IFNGR1: variants seen among roughly 807,000 people sequenced by gnomAD.
The protein encoded by IFNGR1 is interferon gamma receptor 1.
In IFNGR1, 23 loss-of-function variants were observed where a neutral mutation model predicts 35.4. The ratio of observed to expected loss-of-function variants is 0.65; its 90% confidence interval spans 0.47 to 0.92. The LOEUF (loss-of-function observed/expected upper bound fraction) is 0.92, where lower values mean the gene tolerates loss of function less well. IFNGR1 is among the 40% of genes least tolerant of loss of function. The pLI is 0.00. For synonymous variants in IFNGR1, 199 were observed against 209.5 expected, an observed-to-expected ratio of 0.95 and a Z score of 0.43; for missense variants, 533 against 583.4, an observed-to-expected ratio of 0.91 and a Z score of 0.89.
intron 1 of IFNGR1, among the ~76,000 whole-genome samples, chr6:137,216,877 C>T (rs1243258540): frequency 2.0e-5 from 3 of 152,232 alleles, no homozygotes; most frequent in Admixed American, 6.5e-5. Context: ...AGTTTTAGAA[C>T]GAGAGGTACA....
intron 6 of IFNGR1, among the ~76,000 whole-genome samples, chr6:137,198,980 G>A (rs1216209525): frequency 6.6e-6 from 1 of 152,154 alleles, no homozygotes; most frequent in Non-Finnish European, 1.5e-5. Flanking sequence ...TAACATTTGA[G>A]TCAGTGGGCT....
At chr6:137,204,578 G>C (rs1779385061) in intron 3 of IFNGR1, 74 bp from the exon 4 acceptor site, 14 of 1,209,838 alleles carry the variant, frequency 1.2e-5, no homozygotes, top group Non-Finnish European at 1.1e-5. Flanking sequence ...AAAATTACCA[G>C]AATCTATCAA....
chr6:137,215,664 T>C (rs1186861541), intron 1 of IFNGR1, among the ~76,000 whole-genome samples: 3 of 152,172 alleles, frequency 2.0e-5, no homozygotes, highest in Non-Finnish European at 4.4e-5. Flanking sequence ...GATAGCTGTT[T>C]ATTACTTTTC....
intron 1 of IFNGR1, among the ~76,000 whole-genome samples, chr6:137,212,408 C>T (rs532139294): frequency 5.9e-5 from 9 of 152,172 alleles, no homozygotes; most frequent in Non-Finnish European, 1.0e-4. Flanking sequence ...CAGGTTTGCA[C>T]CACCAGACAT....
chr6:137,199,557 A>ATTTATTATATATTATATAT (rs1582630035), intron 6 of IFNGR1, among the ~76,000 whole-genome samples: 4 of 29,152 alleles, frequency 1.4e-4, no homozygotes, highest in African/African-American at 4.5e-4. Context: ...ATAACATATA[A>ATTTATTATATATTATATAT]AATATATATA....
At chr6:137,206,569 G>T in intron 2 of IFNGR1, 1 of 413,956 alleles carries the variant, frequency 2.4e-6, no homozygotes, top group Non-Finnish European at 4.3e-6. Flanking sequence ...TTAAAAATCT[G>T]TTTTTTTAAA....
chr6:137,212,786 C>T (rs1162972140), intron 1 of IFNGR1, among the ~76,000 whole-genome samples: 2 of 152,110 alleles, frequency 1.3e-5, no homozygotes, highest in Non-Finnish European at 2.9e-5. Flanking sequence ...AAGTATGTTT[C>T]CTATAATTTA....
intron 6 of IFNGR1, 150 bp downstream of exon 6, chr6:137,200,731 T>C (rs1024212174): frequency 6.0e-6 from 4 of 670,122 alleles, no homozygotes; most frequent in East Asian, 5.8e-5. Context: ...AAAGACACAG[T>C]ATGTGATTTT....
Position 137,198,622 on chromosome 6 carries a change from A to G in IFNGR1, c.879T>C (p.Ser293=). 2 of 1,611,928 alleles carry G rather than the reference A, an allele frequency of 1.2e-6. No homozygotes were observed. Among genetic ancestry groups the G allele is most frequent in the Non-Finnish European group, 1.7e-6 (2 of 1,179,652 alleles). The part of the protein sequence containing the change: ...LPKSLISVVR[S]ATLETKPESK... ...ATTCAGGTTTTGTCTCTAAAGTAGC[A>G]CTTCTTACCACAGAGATCTATGGGG... Residue 293 remains serine, a synonymous_variant, in exon 7 of 7, where the codon AGT becomes AGC. Coordinates refer to ENST00000367739, the MANE Select transcript of IFNGR1 (RefSeq NM_000416.3).
intron 1 of IFNGR1, chr6:137,210,119 G>T: frequency 2.8e-6 from 1 of 353,880 alleles, no homozygotes; most frequent in Admixed American, 4.7e-5. Flanking sequence ...GGGAGGCTGA[G>T]GTGGGAGGAT....
In IFNGR1 at chr6:137,197,889, T is replaced by C. The variant is rs1779125537; in HGVS notation, c.*142A>G. On this transcript the variant is annotated 3_prime_UTR_variant, in exon 7 of 7. Coordinates refer to ENST00000367739, the MANE Select transcript of IFNGR1 (RefSeq NM_000416.3). ...AAGTGAAAATGCCACACATCCTCTTTACGCTTTCATGTACACTAAGTCACT... is the reference window on the plus strand; with the variant it reads ...AAGTGAAAATGCCACACATCCTCTTCACGCTTTCATGTACACTAAGTCACT... The C allele has an allele frequency of 9.0e-6, 10 of 1,109,902 alleles. No individual in the cohort carries two copies. In the Admixed American group the frequency reaches 1.9e-4, roughly 21 times the overall value. 68.8% of individuals were successfully genotyped at this position (1,109,902 alleles called of 1,614,324 possible). A position where few individuals can be genotyped will look rare whatever the true frequency, so the allele number is the denominator to read the frequency against.
intron 6 of IFNGR1, among the ~76,000 whole-genome samples, chr6:137,200,022 T>C (rs1413623193): frequency 2.0e-5 from 3 of 152,198 alleles, no homozygotes; most frequent in Admixed American, 2.0e-4. Context: ...TCACCAGCAT[T>C]TACCCGTTAT....
At chr6:137,213,239 A>G (rs1401544179) in intron 1 of IFNGR1, among the ~76,000 whole-genome samples, 1 of 152,228 alleles carries the variant, frequency 6.6e-6, no homozygotes, top group African/African-American at 2.4e-5. Flanking sequence ...GGGGCTTAAG[A>G]AAAGATCTTA....
chr6:137,212,986 A>G lies in IFNGR1; in HGVS notation c.86-5909T>C, dbSNP rs1000788286. On this transcript the variant is annotated intron_variant, in intron 1 of 6. Transcript: ENST00000367739. ...GTGGTTTTTAATGCTACCAGAGGAG[A>G]AACTGTGTGGTTATTAGACATCTGC... is the stretch of plus-strand genomic sequence containing the variant. Among the ~76,000 whole-genome samples, 5 of 152,226 alleles carry G rather than the reference A, an allele frequency of 3.3e-5. No individual in the cohort carries two copies. The South Asian group carries it at 6.2e-4, about 19-fold the overall frequency.
At chr6:137,218,975 G>T in intron 1 of IFNGR1, 1 of 560,712 alleles carries the variant, frequency 1.8e-6, no homozygotes, top group Non-Finnish European at 3.2e-6. Context: ...GTATTTAAAA[G>T]TGGATTACAA....
chr6:137,204,150 G>A (rs1397237025), intron 4 of IFNGR1, among the ~76,000 whole-genome samples, 182 bp downstream of exon 4: 1 of 152,162 alleles, frequency 6.6e-6, no homozygotes, highest in African/African-American at 2.4e-5. Context: ...CATGGTCAGT[G>A]TTAGTGACTA....
At chr6:137,205,864 T>C (rs1334947194) in intron 3 of IFNGR1, among the ~76,000 whole-genome samples, 1 of 152,202 alleles carries the variant, frequency 6.6e-6, no homozygotes, top group African/African-American at 2.4e-5. Flanking sequence ...ATTTACATTA[T>C]ATTTACCAGT....
chr6:137,200,766 G>A (rs1426971816), intron 6 of IFNGR1, 115 bp downstream of exon 6: 2 of 863,358 alleles, frequency 2.3e-6, no homozygotes, highest in Non-Finnish European at 3.5e-6. Context: ...CTGACTGATT[G>A]ATGGCAGGTG....
Position 137,197,893 on chromosome 6 carries a change from C to G in IFNGR1, c.*138G>C. 2 of 1,147,470 alleles carry G rather than the reference C, an allele frequency of 1.7e-6. No homozygotes were observed. Among genetic ancestry groups the G allele is most frequent in the South Asian group, 1.3e-5 (1 of 75,562 alleles). 71.1% of individuals were successfully genotyped at this position (1,147,470 alleles called of 1,614,324 possible). On this transcript the variant is annotated 3_prime_UTR_variant, in exon 7 of 7. Transcript: ENST00000367739. ...GAAAATGCCACACATCCTCTTTACG[C>G]TTTCATGTACACTAAGTCACTCCAT...
Sources: allele counts gnomAD v4.1 joint callset (sites outside exome capture counted in the v4.1 genomes callset), GRCh38; gene constraint gnomAD v4.1.1; transcripts MANE v1.5; gene names NCBI Gene and HGNC (gene_info 2026-07-23, HGNC 2026-07-21).